Variants in TNIK observed in about 807,000 individuals in gnomAD.
TNIK encodes the protein TRAF2 and NCK-interacting protein kinase.
A neutral mutation model predicts 191.3 loss-of-function variants in TNIK; 49 were observed. The ratio of observed to expected loss-of-function variants is 0.26; its 90% confidence interval spans 0.20 to 0.32. The LOEUF is 0.32. TNIK is among the 10% of genes least tolerant of loss of function. TNIK has a pLI of 1.00. For synonymous variants in TNIK, 594 were observed against 600.9 expected, an observed-to-expected ratio of 0.99 and a Z score of 0.17; for missense variants, 1,155 against 1,702.3, an observed-to-expected ratio of 0.68 and a Z score of 5.66.
chr3:171,442,421 G>A (rs917591077), intron 1 of TNIK, among the ~76,000 whole-genome samples: 4 of 152,142 alleles, frequency 2.6e-5, no homozygotes, highest in African/African-American at 9.7e-5. Flanking sequence ...GGGGTTGGGG[G>A]ACTGAACTGG....
At chr3:171,180,635 C>T (rs547198588) in intron 7 of TNIK, among the ~76,000 whole-genome samples, 1 of 152,290 alleles carries the variant, frequency 6.6e-6, no homozygotes, top group South Asian at 2.1e-4. Flanking sequence ...GGCTAGTAGA[C>T]TCTTTGCAGA....
intron 2 of TNIK, among the ~76,000 whole-genome samples, chr3:171,348,957 ATT>A (rs1169101997): frequency 6.6e-6 from 1 of 152,072 alleles, no homozygotes; most frequent in Admixed American, 6.6e-5. Context: ...TTTTTGAAAA[ATT>A]TAAGTAAATA....
intron 3 of TNIK, among the ~76,000 whole-genome samples, chr3:171,218,160 A>G (rs371995793): frequency 2.6e-5 from 4 of 152,274 alleles, no homozygotes; most frequent in African/African-American, 9.6e-5. Context: ...ACATTAAGCA[A>G]TATGTCCAGG....
At chr3:171,400,372 C>A (rs917566120) in intron 1 of TNIK, among the ~76,000 whole-genome samples, 1 of 151,820 alleles carries the variant, frequency 6.6e-6, no homozygotes, top group Non-Finnish European at 1.5e-5. Flanking sequence ...TGAGACCAGC[C>A]GAGGCAGCAT....
At chr3:171,402,723 A>G (rs1721114408) in intron 1 of TNIK, among the ~76,000 whole-genome samples, 1 of 152,212 alleles carries the variant, frequency 6.6e-6, no homozygotes, top group African/African-American at 2.4e-5. Flanking sequence ...TTAGCTCTCC[A>G]AAATTTAGGA....
intron 2 of TNIK, among the ~76,000 whole-genome samples, chr3:171,352,614 A>G (rs2108442762): frequency 6.6e-6 from 1 of 152,364 alleles, no homozygotes; most frequent in South Asian, 2.1e-4. Flanking sequence ...AACCAAGTAC[A>G]TGCAGGAACC....
At chr3:171,442,373 C>A (rs1412673671) in intron 1 of TNIK, among the ~76,000 whole-genome samples, 2 of 152,094 alleles carry the variant, frequency 1.3e-5, no homozygotes, top group African/African-American at 2.4e-5. Flanking sequence ...CTTTGAATAC[C>A]CCCAGGTACT....
At chr3:171,386,917 C>A (rs1718810095) in intron 1 of TNIK, among the ~76,000 whole-genome samples, 1 of 152,124 alleles carries the variant, frequency 6.6e-6, no homozygotes, top group Admixed American at 6.6e-5. Flanking sequence ...TAAGATTCTT[C>A]AAAAATTATT....
At chr3:171,265,344 AATG>A (rs1748251626) in intron 2 of TNIK, among the ~76,000 whole-genome samples, 1 of 152,194 alleles carries the variant, frequency 6.6e-6, no homozygotes. Flanking sequence ...CTAAGCAGAC[AATG>A]ATCATTTTAA....
At chr3:171,213,619 TAA>T (rs1741124865) in intron 3 of TNIK, among the ~76,000 whole-genome samples, 1 of 152,088 alleles carries the variant, frequency 6.6e-6, no homozygotes, top group East Asian at 1.9e-4. Context: ...ACTATGTAAT[TAA>T]ATCCAAAATA....
chr3:171,420,136 T>C (rs984455233), intron 1 of TNIK, among the ~76,000 whole-genome samples: 2 of 152,214 alleles, frequency 1.3e-5, no homozygotes, highest in Non-Finnish European at 2.9e-5. Context: ...ATGAGGGTTT[T>C]TATTTCAACC....
intron 28 of TNIK, among the ~76,000 whole-genome samples, chr3:171,072,429 T>C (rs575982407): frequency 2.5e-4 from 38 of 152,200 alleles, no homozygotes; most frequent in African/African-American, 9.1e-4. Flanking sequence ...TGAAGGAACA[T>C]ACCTCAAAAT....
rs532445382 is a variant in TNIK, at chr3:171,454,212, G to A, written c.57+5795C>T. On this transcript the variant is annotated intron_variant, in intron 1 of 32. Coordinates refer to ENST00000436636, the MANE Select transcript of TNIK (RefSeq NM_015028.4). ...AGACTGGTTGTGCTCAGCTGGGCAT[G>A]GCGGCCATGATTCAATCACAGGAGC... 3.9e-5 allele frequency among the ~76,000 whole-genome samples: 6 copies of A among 152,272 alleles called. No individual in the cohort carries two copies. In the South Asian group the frequency reaches 1.2e-3, roughly 32 times the overall value.
chr3:171,232,929 A>G (rs1472842448), intron 2 of TNIK, among the ~76,000 whole-genome samples: 2 of 152,256 alleles, frequency 1.3e-5, no homozygotes, highest in Non-Finnish European at 2.9e-5. Flanking sequence ...TAACAGCCAC[A>G]TAAGCTTCAC....
Position 171,138,216 on chromosome 3 carries a change from C to G in TNIK, c.1583G>C (p.Ser528Thr). 1 of 1,610,746 alleles carries G rather than the reference C, an allele frequency of 6.2e-7. No individual in the cohort carries two copies. Among genetic ancestry groups the G allele is most frequent in the Non-Finnish European group, 8.5e-7 (1 of 1,178,970 alleles). The change falls in exon 15 of 33, where the codon AGT becomes ACT. Residue 528 changes from serine (S) to threonine (T), a missense_variant. Transcript: ENST00000436636. ...LYHYKEGMSP[S>T]EKPAWAKEVE... ...CTCCTTGGCCCATGCTGGCTTCTCACTAGGACTCATTCCTTCTTTGTAATG... is the reference window on the plus strand; with the variant it reads ...CTCCTTGGCCCATGCTGGCTTCTCAGTAGGACTCATTCCTTCTTTGTAATG...
At chr3:171,428,500 GA>G (rs1239967532) in intron 1 of TNIK, among the ~76,000 whole-genome samples, 6 of 151,866 alleles carry the variant, frequency 4.0e-5, no homozygotes, top group African/African-American at 1.5e-4. Flanking sequence ...CTCACTTTAA[GA>G]AAAGAAAGCA....
At chr3:171,110,111 A>G (rs1725625041) in intron 19 of TNIK, among the ~76,000 whole-genome samples, 1 of 152,092 alleles carries the variant, frequency 6.6e-6, no homozygotes, top group Non-Finnish European at 1.5e-5. Flanking sequence ...TCTCCATGTT[A>G]GTCAGGCTGA....
intron 2 of TNIK, among the ~76,000 whole-genome samples, chr3:171,294,677 C>T (rs762629193): frequency 2.6e-4 from 40 of 152,038 alleles, no homozygotes; most frequent in Non-Finnish European, 2.1e-4. Context: ...GCCAGGATTG[C>T]GCCATTGCAC....
intron 18 of TNIK, among the ~76,000 whole-genome samples, chr3:171,114,107 C>T (rs1471126194): frequency 6.6e-6 from 1 of 150,986 alleles, no homozygotes; most frequent in East Asian, 1.9e-4. Context: ...TAGATTTACA[C>T]AATGCTGGGC....
Sources: allele counts gnomAD v4.1 joint callset (sites outside exome capture counted in the v4.1 genomes callset), GRCh38; gene constraint gnomAD v4.1.1; transcripts MANE v1.5; gene names NCBI Gene and HGNC (gene_info 2026-07-23, HGNC 2026-07-21).